Variants in ASMTL observed in about 807,000 individuals in gnomAD.
ASMTL encodes the protein probable bifunctional dTTP/UTP pyrophosphatase/methyltransferase protein.
ASMTL carries 57 observed loss-of-function variants against 60.3 expected under a neutral mutation model. The observed-to-expected ratio is 0.95, with a 90% confidence interval of 0.76 to 1.18. ASMTL has a LOEUF of 1.18. Ranked by LOEUF, ASMTL falls within the 50% of genes most tolerant of loss-of-function variation. The pLI, the probability that ASMTL is intolerant of heterozygous loss-of-function variation, is 0.00. For missense variants in ASMTL, 981 were observed against 852.6 expected (o/e 1.15, Z -1.88); for synonymous variants, 419 against 373.0 (o/e 1.12, Z -1.42).
intron 9 of ASMTL, among the ~76,000 whole-genome samples, chrX:1,419,916 G>C (rs1461669745): frequency 7.2e-6 from 1 of 139,082 alleles, no homozygotes; most frequent in Non-Finnish European, 1.5e-5. Flanking sequence ...TTCTCTCTCT[G>C]ACTCTTTCTC....
intron 1 of ASMTL, among the ~76,000 whole-genome samples, chrX:1,451,515 T>A (rs1444338831): frequency 7.4e-6 from 1 of 135,720 alleles, no homozygotes; most frequent in African/African-American, 2.8e-5. Context: ...CCCGGCTTAC[T>A]CTCCCCTCCC....
At chrX:1,420,035 C>G (rs2090434034) in intron 9 of ASMTL, among the ~76,000 whole-genome samples, 2 of 28,248 alleles carry the variant, frequency 7.1e-5, no homozygotes, top group African/African-American at 9.0e-5. Context: ...CTCCCTCTGT[C>G]TCTGTCTCTA....
chrX:1,424,634 AC>A (rs1480495197), intron 8 of ASMTL, among the ~76,000 whole-genome samples: 10 of 149,104 alleles, frequency 6.7e-5, no homozygotes, highest in Non-Finnish European at 1.2e-4. Context: ...CCACTTACCC[AC>A]CCATCTATGC....
rs765713718 is a variant in ASMTL at position 1,427,936 on chromosome X, G to A, written c.695C>T (p.Ala232Val). 1.1e-5 allele frequency: 17 copies of A among 1,613,326 alleles called. No homozygotes were observed. Among genetic ancestry groups the A allele is most frequent in the African/African-American group, 2.7e-5 (2 of 74,938 alleles). Residue 232 changes from alanine (A) to valine (V), a missense_variant, in exon 7 of 13, where the codon GCG becomes GTG. Physicochemically the swap from Ala to Val is moderately conservative, Grantham distance 64 (BLOSUM62 0). Transcript: ENST00000381317. ...GTCACTGAGGTCTTCGAAGGTGTCC[G>A]CGGCCGGGATGGAGTCGTGCTTGAC... is the stretch of plus-strand genomic sequence containing the variant. ...RSVKHDSIPA[A>V]DTFEDLSDVE...
intron 11 of ASMTL, among the ~76,000 whole-genome samples, chrX:1,416,058 GAGAC>G (rs1390621205): frequency 2.8e-4 from 42 of 150,236 alleles, no homozygotes; most frequent in South Asian, 8.4e-4. Context: ...CACGCGCACA[GAGAC>G]AGACATGCAC....
intron 1 of ASMTL, among the ~76,000 whole-genome samples, chrX:1,443,672 GGACA>G (rs1412398832): frequency 6.8e-6 from 1 of 147,958 alleles, no homozygotes. Context: ...CCGCCATCAT[GGACA>G]CACACCGCCA....
intron 1 of ASMTL, among the ~76,000 whole-genome samples, chrX:1,449,376 G>T (rs1345909013): frequency 6.6e-6 from 1 of 151,906 alleles, no homozygotes; most frequent in Non-Finnish European, 1.5e-5. Flanking sequence ...CTGCCCTGCA[G>T]ATCTCAACCC....
chrX:1,436,587 T>G (rs557488175), intron 3 of ASMTL, among the ~76,000 whole-genome samples: 1 of 151,972 alleles, frequency 6.6e-6, no homozygotes, highest in Non-Finnish European at 1.5e-5. Flanking sequence ...CTCCTGACCT[T>G]GTGATCCACC....
Position 1,435,887 on chromosome X carries a change from T to C in ASMTL, c.274-129A>G. On this transcript the variant is annotated intron_variant, in intron 3 of 12. Transcript: ENST00000381317. ...AGCTGACACGTCCTGAGAGTCGCCATTTCAAACAACTAACCAGAGTTGCCA... is the reference window on the plus strand; with the variant it reads ...AGCTGACACGTCCTGAGAGTCGCCACTTCAAACAACTAACCAGAGTTGCCA... 13 of 802,034 alleles carry C rather than the reference T, an allele frequency of 1.6e-5. No individual in the cohort carries two copies. The South Asian group carries it at 1.9e-4, about 11-fold the overall frequency. 49.7% of individuals were successfully genotyped at this position (802,034 alleles called of 1,614,324 possible).
chrX:1,436,415 C>T (rs6644944), intron 3 of ASMTL, among the ~76,000 whole-genome samples: 16 of 151,092 alleles, frequency 1.1e-4, no homozygotes, highest in South Asian at 2.1e-4. Context: ...TGCAGTGGCG[C>T]GATCTCGGCT....
At chrX:1,404,305 A>G (rs1324079660) in intron 12 of ASMTL, among the ~76,000 whole-genome samples, 2 of 145,606 alleles carry the variant, frequency 1.4e-5, no homozygotes, top group Non-Finnish European at 3.0e-5. Context: ...AATAGATGGT[A>G]GATCATGGGT....
chrX:1,442,326 G>T lies in ASMTL; in HGVS notation c.94-9C>A. 1 of 1,613,774 alleles carries T rather than the reference G, an allele frequency of 6.2e-7. No homozygotes were observed. Among genetic ancestry groups the T allele is most frequent in the Non-Finnish European group, 8.5e-7 (1 of 1,179,820 alleles). On this transcript the variant is annotated splice_polypyrimidine_tract_variant and intron_variant, in intron 1 of 12. Transcript: ENST00000381317. ...ACCTCAAACCTGAGACCCTGCAACA[G>T]TAGAAAAGGGGTCAGAAGGGTCAAT...
chrX:1,450,600 CCTCCCCCATCCCTAGGGGTTCT>C, intron 1 of ASMTL, among the ~76,000 whole-genome samples: 2 of 141,706 alleles, frequency 1.4e-5, no homozygotes, highest in Admixed American at 6.8e-5. Context: ...GTCACTCTCC[CCTCCCCCATCCCTAGGGGTTCT>C]GGGTCACTCT....
Position 1,428,036 on chromosome X carries a change from A to T in ASMTL, c.595T>A (p.Phe199Ile). 6.2e-7 allele frequency: 1 copy of T among 1,613,704 alleles called. No individual in the cohort carries two copies. Among genetic ancestry groups the T allele is most frequent in the Non-Finnish European group, 8.5e-7 (1 of 1,179,848 alleles). ...VHGDFLNVVG[F>I]PLNHFCKQLV... The stretch of plus-strand genomic sequence containing the variant: ...TGCTTGCAGAAGTGGTTCAGCGGGA[A>T]TCCCACCACGTTCAGAAAGTCCCCG... Residue 199 changes from phenylalanine to isoleucine, a missense_variant, in exon 7 of 13, where the codon TTC (phenylalanine) becomes ATC (isoleucine). Coordinates refer to ENST00000381317, the MANE Select transcript of ASMTL (RefSeq NM_004192.4).
chrX:1,425,642 C>T lies in ASMTL; in HGVS notation c.943G>A (p.Asp315Asn). ...CKLKVFDLLK[D>N]EAPQKAADIA... is the part of the protein sequence containing the mutation. Reference sequence around the variant, plus strand: ...TCCGCAGCCTTCTGGGGTGCTTCATCTTTTAACAAATCGAACACCTTCAGT... The same window carrying T: ...TCCGCAGCCTTCTGGGGTGCTTCATTTTTTAACAAATCGAACACCTTCAGT... The change falls in exon 8 of 13, where the codon GAT becomes AAT. Residue 315 changes from aspartate to asparagine, a missense_variant. Asp to Asn is a conservative substitution (Grantham distance 23). Coordinates refer to ENST00000381317, the MANE Select transcript of ASMTL (RefSeq NM_004192.4). 5 of 1,613,762 alleles carry T rather than the reference C, an allele frequency of 3.1e-6. No homozygotes were observed. Among genetic ancestry groups the T allele is most frequent in the Non-Finnish European group, 4.2e-6 (5 of 1,179,798 alleles).
chrX:1,421,598 C>G, intron 9 of ASMTL, 60 bp downstream of exon 9: 1 of 1,582,142 alleles, frequency 6.3e-7, no homozygotes, highest in Non-Finnish European at 8.7e-7. Context: ...ATCTGTGTGT[C>G]AAAGTGTTTT....
chrX:1,419,103 G>C lies in ASMTL; in HGVS notation c.1257C>G (p.Tyr419Ter). 1.2e-6 allele frequency: 2 copies of C among 1,611,264 alleles called. No individual in the cohort carries two copies. The highest frequency in any genetic ancestry group is 1.7e-6 in the Non-Finnish European group (2 of 1,179,500). The change falls in exon 10 of 13, where the codon TAC becomes TAG. Residue 419 changes from tyrosine to a stop codon, truncating the protein, a stop_gained. Coordinates refer to ENST00000381317, the MANE Select transcript of ASMTL (RefSeq NM_004192.4). LOFTEE classifies it high-confidence loss of function. ...KAEDLFQDAY[Y>*]QSPETRLRFM... ...ACCTCAGCCGCGTCTCCGGGCTCTG[G>C]TAGTACGCATCCTGGAACACAGCAG...
intron 1 of ASMTL, among the ~76,000 whole-genome samples, chrX:1,444,021 T>C (rs1314831407): frequency 1.3e-5 from 2 of 152,150 alleles, no homozygotes; most frequent in African/African-American, 4.8e-5. Flanking sequence ...CCCCCAAACA[T>C]CAGCCTAATG....
intron 11 of ASMTL, among the ~76,000 whole-genome samples, chrX:1,416,511 A>T (rs1306348723): frequency 1.3e-5 from 2 of 151,868 alleles, no homozygotes; most frequent in African/African-American, 4.8e-5. Flanking sequence ...ACACACACGG[A>T]TGCAGACATG....
Sources: allele counts gnomAD v4.1 joint callset (sites outside exome capture counted in the v4.1 genomes callset), GRCh38; gene constraint gnomAD v4.1.1; transcripts MANE v1.5; gene names NCBI Gene and HGNC (gene_info 2026-07-23, HGNC 2026-07-21).